The following ABCC1 variants were observed in gnomAD, a reference collection of about 807,000 sequenced individuals.
The protein encoded by ABCC1 is multidrug resistance-associated protein 1.
Under a neutral mutation model 172.9 loss-of-function variants are expected in ABCC1, and 83 were observed. The ratio of observed to expected loss-of-function variants is 0.48; its 90% CI spans 0.40 to 0.58. The LOEUF is 0.58. Ranked by LOEUF, ABCC1 falls within the 20% of genes least tolerant of loss-of-function variation. ABCC1 has a pLI of 0.00. For synonymous variants in ABCC1, 937 were observed against 825.2 expected (o/e 1.14, Z -2.32); for missense variants, 1,817 against 2,002.7 (o/e 0.91, Z 1.77).
chr16:16,084,105 T>G (rs770307342), intron 17 of ABCC1, among the ~76,000 whole-genome samples: 3 of 152,136 alleles, frequency 2.0e-5, no homozygotes, highest in Non-Finnish European at 4.4e-5. Flanking sequence ...TTCTTTTTAT[T>G]TATTTATTTA....
intron 18 of ABCC1, among the ~76,000 whole-genome samples, chr16:16,089,742 T>TGGC (rs2051162805): frequency 6.6e-6 from 1 of 151,088 alleles, no homozygotes; most frequent in African/African-American, 2.4e-5. Flanking sequence ...CCAGGTGTGG[T>TGGC]GGCGGGCGCA....
intron 5 of ABCC1, among the ~76,000 whole-genome samples, chr16:16,017,899 G>A (rs2048060178): frequency 6.6e-6 from 1 of 152,128 alleles, no homozygotes; most frequent in South Asian, 2.1e-4. Flanking sequence ...ATAAGTACAA[G>A]GGCCCTGGGG....
intron 1 of ABCC1, among the ~76,000 whole-genome samples, chr16:15,992,638 T>C (rs771760206): frequency 6.6e-6 from 1 of 152,166 alleles, no homozygotes; most frequent in Non-Finnish European, 1.5e-5. Flanking sequence ...TAACCTTGGG[T>C]GATCCTCCCG....
At chr16:16,016,726 C>A in intron 5 of ABCC1, 105 bp downstream of exon 5, 1 of 1,482,896 alleles carries the variant, frequency 6.7e-7, no homozygotes, top group Non-Finnish European at 9.2e-7. Flanking sequence ...TCGTTCCAGC[C>A]TCCCTCAACC....
chr16:15,960,712 A>G (rs2046107792), intron 1 of ABCC1, among the ~76,000 whole-genome samples: 2 of 152,152 alleles, frequency 1.3e-5, no homozygotes, highest in Admixed American at 1.3e-4. Context: ...CCATGCAAGG[A>G]TGTGGGGGAA....
intron 27 of ABCC1, among the ~76,000 whole-genome samples, chr16:16,134,105 T>G (rs891058770): frequency 6.6e-6 from 1 of 152,178 alleles, no homozygotes; most frequent in Non-Finnish European, 1.5e-5. Context: ...TTGAGGTCTC[T>G]AGTAACTTAT....
At chr16:16,056,518 A>C (rs45557638) in intron 12 of ABCC1, 24,827 of 571,424 alleles carry the variant, frequency 0.043, 681 homozygotes, top group Non-Finnish European at 0.057. Flanking sequence ...AATACAAAAA[A>C]ATAAGCCGGG....
intron 7 of ABCC1, among the ~76,000 whole-genome samples, chr16:16,037,530 C>T (rs1226487370): frequency 6.6e-6 from 1 of 152,186 alleles, no homozygotes; most frequent in African/African-American, 2.4e-5. Flanking sequence ...AGACTTGTCT[C>T]GAGCCCGGAC....
chr16:16,087,556 C>G (rs1467663677), intron 18 of ABCC1, among the ~76,000 whole-genome samples: 1 of 152,174 alleles, frequency 6.6e-6, no homozygotes, highest in Non-Finnish European at 1.5e-5. Context: ...ATCTCGGGTT[C>G]AAGCACTTCT....
At chr16:16,104,732 G>A (rs907298247) in intron 20 of ABCC1, among the ~76,000 whole-genome samples, 3 of 152,120 alleles carry the variant, frequency 2.0e-5, no homozygotes, top group Non-Finnish European at 2.9e-5. Flanking sequence ...GCACTCGTCC[G>A]GGAGGCTCGG....
rs1053295352 is a variant in ABCC1, at chr16:16,126,934, A to G, written c.3819+1023A>G. On this transcript the variant is annotated intron_variant, in intron 26 of 30. Coordinates refer to ENST00000399410, the MANE Select transcript of ABCC1 (RefSeq NM_004996.4). ...CTTTTTATAGATGGAGAAAAAGGGA[A>G]CCTGGGGAGGGACAACAGCTGATCC... Among the ~76,000 whole-genome samples, 10 of 152,288 alleles carry G rather than the reference A, an allele frequency of 6.6e-5. No homozygotes were observed. In the South Asian group the frequency reaches 1.9e-3, roughly 28 times the overall value.
At chr16:16,136,005 T>A (rs2045900406) in intron 28 of ABCC1, among the ~76,000 whole-genome samples, 1 of 90,588 alleles carries the variant, frequency 1.1e-5, no homozygotes, top group Admixed American at 1.3e-4. Flanking sequence ...AAACTCAGAC[T>A]TTCCAGACTT....
chr16:15,967,039 C>T (rs1466655517), intron 1 of ABCC1, among the ~76,000 whole-genome samples: 2 of 152,070 alleles, frequency 1.3e-5, no homozygotes, highest in African/African-American at 2.4e-5. Flanking sequence ...CCCTGAGATC[C>T]GTGGAGTGAG....
intron 27 of ABCC1, 26 bp downstream of exon 27, chr16:16,131,961 C>T: frequency 6.2e-7 from 1 of 1,602,596 alleles, no homozygotes; most frequent in Non-Finnish European, 8.5e-7. Flanking sequence ...CCCATTCCCT[C>T]ACCCATTCCC....
intron 1 of ABCC1, among the ~76,000 whole-genome samples, chr16:16,006,654 C>T (rs2047541524): frequency 6.6e-6 from 1 of 151,854 alleles, no homozygotes; most frequent in Admixed American, 6.6e-5. Context: ...AACAACATTG[C>T]CCGAGTTTGA....
chr16:16,132,159 C>T (rs969820194), intron 27 of ABCC1, among the ~76,000 whole-genome samples: 3 of 152,102 alleles, frequency 2.0e-5, no homozygotes, highest in African/African-American at 7.2e-5. Context: ...GCCTGAAGAC[C>T]AAATGAGCCC....
intron 12 of ABCC1, among the ~76,000 whole-genome samples, chr16:16,066,369 C>T (rs1221255202): frequency 2.6e-5 from 4 of 151,606 alleles, no homozygotes; most frequent in Non-Finnish European, 2.9e-5. Flanking sequence ...TTAGTAGAGA[C>T]GGAGTTTCTC....
chr16:16,008,237 C>T (rs1038787216), intron 2 of ABCC1, among the ~76,000 whole-genome samples: 1 of 151,980 alleles, frequency 6.6e-6, no homozygotes, highest in Non-Finnish European at 1.5e-5. Context: ...CCTCAGTTTC[C>T]CTGTTTATGC....
chr16:16,007,220 G>T (rs1169339796), intron 1 of ABCC1, among the ~76,000 whole-genome samples: 1 of 151,222 alleles, frequency 6.6e-6, no homozygotes, highest in African/African-American at 2.4e-5. Flanking sequence ...ACTGTTGTGT[G>T]TGTGTGTGTG....
Sources: gnomAD v4.1 joint callset for allele counts (sites outside exome capture counted in the v4.1 genomes callset) on GRCh38, gnomAD v4.1.1 for gene constraint, MANE v1.5 for transcripts, NCBI Gene and HGNC (gene_info 2026-07-23, HGNC 2026-07-21) for gene names.